The following RFFL variants were observed in gnomAD, a reference collection of about 807,000 sequenced individuals.
RFFL encodes ring finger and FYVE like domain containing E3 ubiquitin protein ligase.
In RFFL, 16 loss-of-function variants were observed where a neutral mutation model predicts 40.4. The ratio of observed to expected loss-of-function variants is 0.40; its 90% CI spans 0.27 to 0.60. RFFL has a LOEUF of 0.60. RFFL is among the 20% of genes least tolerant of loss of function. The pLI, the probability that RFFL is intolerant of heterozygous loss-of-function variation, is 0.47. For synonymous variants in RFFL, 154 were observed against 167.9 expected, an observed-to-expected ratio of 0.92 and a Z score of 0.64; for missense variants, 367 against 451.7, an observed-to-expected ratio of 0.81 and a Z score of 1.70.
chr17:35,021,832 C>G (rs776355747), intron 2 of RFFL, 51 bp from the exon 3 acceptor site: 1 of 1,589,256 alleles, frequency 6.3e-7, no homozygotes, highest in Non-Finnish European at 8.6e-7. Flanking sequence ...GAGAACAAGA[C>G]AGAGAGTGCG....
intron 1 of RFFL, among the ~76,000 whole-genome samples, chr17:35,028,902 T>C: frequency 6.6e-6 from 1 of 152,008 alleles, no homozygotes. Context: ...CAGGGGTCTC[T>C]GATTAACACC....
At chr17:35,056,534 C>A (rs140412675) in intron 1 of RFFL, among the ~76,000 whole-genome samples, 1 of 151,770 alleles carries the variant, frequency 6.6e-6, no homozygotes, top group Admixed American at 6.6e-5. Flanking sequence ...TGCACCACCA[C>A]GCCCGGCTAA....
intron 1 of RFFL, among the ~76,000 whole-genome samples, chr17:35,075,965 T>C (rs919314765): frequency 6.7e-6 from 1 of 150,130 alleles, no homozygotes; most frequent in Admixed American, 6.7e-5. Flanking sequence ...AAGCACCCAA[T>C]GCAAATTCTA....
chr17:35,019,870 T>G (rs1346701617), intron 3 of RFFL, among the ~76,000 whole-genome samples: 1 of 152,180 alleles, frequency 6.6e-6, no homozygotes, highest in Non-Finnish European at 1.5e-5. Flanking sequence ...AAAAGGGAGT[T>G]AAATGATTTT....
intron 1 of RFFL, among the ~76,000 whole-genome samples, chr17:35,075,983 A>ATTTTTTTTTTTTTTTTTT (rs1485493411): frequency 8.0e-6 from 1 of 124,700 alleles, no homozygotes; most frequent in African/African-American, 3.4e-5. Context: ...CTATCAATTT[A>ATTTTTTTTTTTTTTTTTT]TTCTTTTTTT....
At chr17:35,023,762 A>G (rs999846291) in intron 2 of RFFL, among the ~76,000 whole-genome samples, 16 of 152,230 alleles carry the variant, frequency 1.1e-4, no homozygotes, top group African/African-American at 3.4e-4. Context: ...ACAACTCTCT[A>G]TTCTTTCTTC....
At chr17:35,084,321 C>T (rs2091418504) in intron 1 of RFFL, among the ~76,000 whole-genome samples, 1 of 152,148 alleles carries the variant, frequency 6.6e-6, no homozygotes, top group Non-Finnish European at 1.5e-5. Flanking sequence ...TCCTGCTGGA[C>T]GCAGTGGCTC....
intron 1 of RFFL, among the ~76,000 whole-genome samples, chr17:35,038,481 C>A (rs1486375864): frequency 6.6e-6 from 1 of 152,120 alleles, no homozygotes; most frequent in Non-Finnish European, 1.5e-5. Context: ...TTCACCCAAA[C>A]AGTATACAGG....
chr17:35,078,022 C>CT (rs922092768), intron 1 of RFFL, among the ~76,000 whole-genome samples: 3 of 151,472 alleles, frequency 2.0e-5, no homozygotes, highest in Middle Eastern at 3.2e-3. Context: ...ATTTCTCAAT[C>CT]TTTTTTTTTA....
intron 1 of RFFL, among the ~76,000 whole-genome samples, chr17:35,029,963 T>C (rs965288875): frequency 3.3e-5 from 5 of 150,962 alleles, no homozygotes; most frequent in Admixed American, 2.6e-4. Context: ...GTCCTTGCAA[T>C]AGTTTACTGA....
rs1278630181 is a variant in RFFL, at chr17:35,069,446, C to A, written c.-9+19659G>T. 4 of 404,696 alleles carry A rather than the reference C, an allele frequency of 9.9e-6. No individual in the cohort carries two copies. In the Admixed American group the frequency reaches 1.2e-4, roughly 12 times the overall value. The allele number at this position is 404,696 out of a possible 1,614,324, so 25.1% of individuals were successfully genotyped here. ...CTATAGAAATAAAAGGATACGACTG[C>A]ACAGCTTGAATGTCCCATCAAGGTA... On this transcript the variant is annotated intron_variant, in intron 1 of 6. Coordinates refer to the RFFL transcript ENST00000315249.
At chr17:35,059,693 C>T (rs375271063) in intron 1 of RFFL, among the ~76,000 whole-genome samples, 3 of 152,160 alleles carry the variant, frequency 2.0e-5, no homozygotes, top group African/African-American at 7.2e-5. Flanking sequence ...CAATTTAAGA[C>T]CATTTCCTCT....
At chr17:35,021,895 C>CT (rs2091011604) in intron 2 of RFFL, 114 bp from the exon 3 acceptor site, 1 of 1,014,524 alleles carries the variant, frequency 9.9e-7, no homozygotes, top group Non-Finnish European at 1.5e-6. Flanking sequence ...GTCACTCTTA[C>CT]TTTTACTAAG....
chr17:35,060,337 G>A (rs988871338), intron 1 of RFFL, among the ~76,000 whole-genome samples: 10 of 152,144 alleles, frequency 6.6e-5, no homozygotes, highest in Non-Finnish European at 1.0e-4. Flanking sequence ...AGGCAAGACC[G>A]TTAGCACTTG....
At position 35,037,608 on chromosome 17, in the gene RFFL, G is replaced by T. The variant is rs115542839; in HGVS notation, c.-8-11047C>A. On this transcript the variant is annotated intron_variant, in intron 1 of 6. Transcript: ENST00000394597. ...ATCTCATGTGATCCTCACAATTCTG[G>T]CAAGGTAGATTAGTTCTTCCCATTT... Among the ~76,000 whole-genome samples, 598 of 152,256 alleles carry T rather than the reference G, an allele frequency of 3.9e-3. 5 individuals are homozygous for T. The highest frequency in any genetic ancestry group is 0.014 in the African/African-American group (570 of 41,540).
At chr17:35,049,927 C>A (rs1490668595) in intron 1 of RFFL, among the ~76,000 whole-genome samples, 1 of 151,950 alleles carries the variant, frequency 6.6e-6, no homozygotes, top group Non-Finnish European at 1.5e-5. Flanking sequence ...ACTAAAAATA[C>A]AAAAATTAGC....
At position 35,011,881 on chromosome 17, in the gene RFFL, G is replaced by T; in HGVS notation, c.*87C>A. Reference sequence around the variant, plus strand: ...TGGGAACCCTGCAATATTTCTACTAGCTTGCTCCTCTGCAAGCTGGCCAAC... The same window carrying T: ...TGGGAACCCTGCAATATTTCTACTATCTTGCTCCTCTGCAAGCTGGCCAAC... On this transcript the variant is annotated 3_prime_UTR_variant, in exon 7 of 7. Coordinates refer to ENST00000394597, the MANE Select transcript of RFFL (RefSeq NM_001017368.2). 7.7e-7 allele frequency: 1 copy of T among 1,302,118 alleles called. No homozygotes were observed. The highest frequency in any genetic ancestry group is 1.1e-6 in the Non-Finnish European group (1 of 920,434). 80.7% of individuals were successfully genotyped at this position (1,302,118 alleles called of 1,614,324 possible).
intron 3 of RFFL, 23 bp from the exon 4 acceptor site, chr17:35,017,629 T>TCA: frequency 6.6e-7 from 1 of 1,520,028 alleles, no homozygotes; most frequent in Non-Finnish European, 9.1e-7. Context: ...AAAAGTAACA[T>TCA]CACATCTAGA....
chr17:35,060,824 A>G (rs1308104488), intron 1 of RFFL, among the ~76,000 whole-genome samples: 2 of 152,080 alleles, frequency 1.3e-5, no homozygotes, highest in African/African-American at 4.8e-5. Context: ...GATGGTGCCA[A>G]GCTCTAGTCC....
Sources: gnomAD v4.1 joint callset for allele counts (sites outside exome capture counted in the v4.1 genomes callset) on GRCh38, gnomAD v4.1.1 for gene constraint, MANE v1.5 for transcripts, NCBI Gene and HGNC (gene_info 2026-07-23, HGNC 2026-07-21) for gene names.